Variants in SC5D observed in about 807,000 individuals in gnomAD.
The protein encoded by SC5D is lathosterol oxidase.
SC5D carries 21 observed loss-of-function variants against 23.9 expected under a neutral mutation model. That is an observed-to-expected ratio of 0.88 (90% confidence interval 0.62 to 1.26). SC5D has a LOEUF of 1.26. SC5D is among the 50% of genes most tolerant of loss of function. The probability of loss-of-function intolerance (pLI) is 0.00; values close to 1 mark genes in which losing one functional copy is unlikely to be tolerated. For missense variants in SC5D, 309 were observed against 364.8 expected, an observed-to-expected ratio of 0.85 and a Z score of 1.25; for synonymous variants, 113 against 125.9, an observed-to-expected ratio of 0.90 and a Z score of 0.68.
chr11:121,304,052 TAGAG>T (rs1272691836), intron 2 of SC5D: 2 of 326,392 alleles, frequency 6.1e-6, no homozygotes, highest in Middle Eastern at 1.0e-3. Context: ...AAAGAAAAAA[TAGAG>T]AGGATTGGGG....
chr11:121,300,061 T>G (rs1480295610), intron 1 of SC5D, among the ~76,000 whole-genome samples: 2 of 152,204 alleles, frequency 1.3e-5, no homozygotes, highest in Non-Finnish European at 2.9e-5. Flanking sequence ...AGACCTGTAT[T>G]ATAAAAAAGG....
intron 1 of SC5D, among the ~76,000 whole-genome samples, chr11:121,300,658 G>A (rs73592754): frequency 0.02 from 3,042 of 152,272 alleles, 119 homozygotes; most frequent in African/African-American, 0.068. Flanking sequence ...GAAAAGCTCT[G>A]TTTTCCTGAG....
intron 3 of SC5D, chr11:121,305,250 A>C (rs1446775421): frequency 1.3e-5 from 2 of 150,848 alleles, no homozygotes; most frequent in Admixed American, 1.3e-4. Context: ...TGTCAGTGAC[A>C]GTTCTCAGCT....
chr11:121,301,049 A>G (rs1947922697), intron 1 of SC5D, among the ~76,000 whole-genome samples: 1 of 152,222 alleles, frequency 6.6e-6, no homozygotes, highest in Non-Finnish European at 1.5e-5. Context: ...TTACCCCATC[A>G]TATTACTTAA....
intron 3 of SC5D, chr11:121,305,946 A>C (rs899906416): frequency 1.5e-5 from 3 of 202,950 alleles, no homozygotes; most frequent in African/African-American, 4.8e-5. Context: ...TACAGGAGTG[A>C]TGAGGTTGGA....
At position 121,303,576 on chromosome 11, in the gene SC5D, A is replaced by G. The variant is rs1043859444; in HGVS notation, c.201A>G (p.Gln67=). ...VFDHALMKHP[Q]FLKNQVRREI... ...ATCATGCATTAATGAAACATCCACA[A>G]TTTTTAAAGGTAAGAAATGTTTTTA... The change falls in exon 2 of 5, where the codon CAA becomes CAG. Residue 67 remains glutamine, a synonymous_variant. Transcript: ENST00000264027. The G allele has an allele frequency of 3.7e-6, 6 of 1,606,786 alleles. No homozygotes were observed. Among genetic ancestry groups the G allele is most frequent in the Admixed American group, 1.7e-5 (1 of 59,956 alleles).
chr11:121,299,324 C>T (rs543921624), intron 1 of SC5D, among the ~76,000 whole-genome samples: 5 of 152,306 alleles, frequency 3.3e-5, no homozygotes, highest in African/African-American at 1.2e-4. Flanking sequence ...TTAAGATTCT[C>T]AAGCAATCAG....
intron 4 of SC5D, chr11:121,306,814 A>G: frequency 3.2e-6 from 2 of 627,896 alleles, no homozygotes; most frequent in Non-Finnish European, 5.7e-6. Context: ...TTCAGGTGCT[A>G]GGTACACTAA....
chr11:121,302,990 A>G (rs1947936124), intron 1 of SC5D, among the ~76,000 whole-genome samples: 1 of 152,122 alleles, frequency 6.6e-6, no homozygotes, highest in South Asian at 2.1e-4. Flanking sequence ...AGAGGAAACT[A>G]TTTGTCTGAG....
At chr11:121,294,677 A>G (rs1214708457) in intron 1 of SC5D, among the ~76,000 whole-genome samples, 1 of 152,200 alleles carries the variant, frequency 6.6e-6, no homozygotes, top group African/African-American at 2.4e-5. Context: ...TAACAGTGAT[A>G]ATCATATAGA....
chr11:121,303,690 A>C, intron 2 of SC5D, 105 bp downstream of exon 2: 2 of 952,968 alleles, frequency 2.1e-6, no homozygotes, highest in Non-Finnish European at 3.1e-6. Flanking sequence ...CCATTAAATA[A>C]AATTTTGGAG....
chr11:121,306,581 C>G (rs543911472), intron 4 of SC5D, 95 bp downstream of exon 4: 92 of 744,618 alleles, frequency 1.2e-4, no homozygotes, highest in South Asian at 8.3e-4. Flanking sequence ...ATTTCCTCTA[C>G]CCATATTAAA....
At chr11:121,296,017 C>CA (rs1947886650) in intron 1 of SC5D, among the ~76,000 whole-genome samples, 1 of 152,202 alleles carries the variant, frequency 6.6e-6, no homozygotes. Context: ...CCCTGCTTCT[C>CA]ACCGATAACC....
chr11:121,299,635 A>G (rs1236091296), intron 1 of SC5D, among the ~76,000 whole-genome samples: 1 of 152,246 alleles, frequency 6.6e-6, no homozygotes, highest in East Asian at 1.9e-4. Flanking sequence ...CATGCCTGTA[A>G]TCCTAGCACT....
rs979000199 is a variant in SC5D, at chr11:121,298,173, A to C, written c.-10-5193A>C. Among the ~76,000 whole-genome samples, 4 of 151,888 alleles carry C rather than the reference A, an allele frequency of 2.6e-5. No homozygotes were observed. The East Asian group carries it at 7.7e-4, about 29-fold the overall frequency. On this transcript the variant is annotated intron_variant, in intron 1 of 4. Transcript: ENST00000264027. ...TGCACCACGCCCGGCTAATTTTTGT[A>C]TATTTTGTAGAGATGGGATTTCAGT...
chr11:121,293,954 C>T (rs532551828), intron 1 of SC5D, among the ~76,000 whole-genome samples: 2 of 152,148 alleles, frequency 1.3e-5, no homozygotes, highest in Non-Finnish European at 2.9e-5. Context: ...AATACTCTGA[C>T]CTCAGTTTCC....
intron 1 of SC5D, among the ~76,000 whole-genome samples, chr11:121,296,944 G>GATAAAAACAGATA: frequency 6.6e-6 from 1 of 152,184 alleles, no homozygotes; most frequent in Non-Finnish European, 1.5e-5. Context: ...ACGGGCAAAG[G>GATAAAAACAGATA]ATAAAAACAG....
At chr11:121,300,754 A>G (rs1373381420) in intron 1 of SC5D, among the ~76,000 whole-genome samples, 1 of 152,190 alleles carries the variant, frequency 6.6e-6, no homozygotes, top group African/African-American at 2.4e-5. Flanking sequence ...GCTGACCTTG[A>G]GGGTTTACGC....
intron 1 of SC5D, among the ~76,000 whole-genome samples, chr11:121,300,839 G>T (rs1380968227): frequency 1.3e-5 from 2 of 152,172 alleles, no homozygotes; most frequent in African/African-American, 4.8e-5. Flanking sequence ...ACAGCACCTT[G>T]GCAAAGGCTG....
Sources: gnomAD v4.1 joint callset for allele counts (sites outside exome capture counted in the v4.1 genomes callset) on GRCh38, gnomAD v4.1.1 for gene constraint, MANE v1.5 for transcripts, NCBI Gene and HGNC (gene_info 2026-07-23, HGNC 2026-07-21) for gene names.